The following THSD4 variants were observed in gnomAD, a reference collection of about 807,000 sequenced individuals.
The protein encoded by THSD4 is thrombospondin type-1 domain-containing protein 4.
A neutral mutation model predicts 119.0 loss-of-function variants in THSD4; 69 were observed. The ratio of observed to expected loss-of-function variants is 0.58; its 90% confidence interval spans 0.48 to 0.71. The LOEUF is 0.71. Among genes scored for constraint, THSD4 ranks in the 30% least tolerant of loss-of-function variants. The pLI, the probability that THSD4 is intolerant of heterozygous loss-of-function variation, is 0.00. For synonymous variants in THSD4, 524 were observed against 540.4 expected, an observed-to-expected ratio of 0.97 and a Z score of 0.42; for missense variants, 1,393 against 1,391.1, an observed-to-expected ratio of 1.00 and a Z score of -0.02.
chr15:71,615,321 A>T (rs577839270), intron 7 of THSD4, among the ~76,000 whole-genome samples: 1 of 152,324 alleles, frequency 6.6e-6, no homozygotes, highest in South Asian at 2.1e-4. Context: ...CAAAGGATGG[A>T]AGATTAAAAA....
intron 4 of THSD4, among the ~76,000 whole-genome samples, chr15:71,229,810 T>A (rs2140263133): frequency 6.6e-6 from 1 of 152,328 alleles, no homozygotes; most frequent in Middle Eastern, 3.4e-3. Flanking sequence ...TGCCTCTTCT[T>A]ATTATCATGA....
intron 1 of THSD4, among the ~76,000 whole-genome samples, chr15:71,103,147 CTTTT>C (rs34279644): frequency 7.1e-6 from 1 of 141,030 alleles, no homozygotes; most frequent in Non-Finnish European, 1.6e-5. Flanking sequence ...AAAAAGAAGG[CTTTT>C]TTTTTTTTTT....
intron 3 of THSD4, among the ~76,000 whole-genome samples, chr15:71,160,742 A>T (rs1019819560): frequency 6.6e-5 from 10 of 150,404 alleles, no homozygotes; most frequent in African/African-American, 2.4e-4. Flanking sequence ...CCTTTTCAAA[A>T]CACAAACTGT....
intron 6 of THSD4, among the ~76,000 whole-genome samples, chr15:71,331,254 G>A (rs1186221320): frequency 1.3e-5 from 2 of 152,216 alleles, no homozygotes; most frequent in Non-Finnish European, 2.9e-5. Flanking sequence ...TGGCATTGAA[G>A]AAGCAGCTCT....
intron 6 of THSD4, among the ~76,000 whole-genome samples, chr15:71,272,732 C>T (rs2222051): frequency 0.98 from 148,737 of 152,058 alleles, 72,826 homozygotes; most frequent in East Asian, 1. Flanking sequence ...GGTGTGGTAG[C>T]GCGCGCCTGT....
At chr15:71,699,042 A>G (rs1444586423) in intron 8 of THSD4, among the ~76,000 whole-genome samples, 1 of 152,160 alleles carries the variant, frequency 6.6e-6, no homozygotes, top group African/African-American at 2.4e-5. Context: ...CATACTTAAA[A>G]ATGTGTTAAA....
Position 71,410,167 on chromosome 15 carries a change from C to T in THSD4, c.1016-1520C>T, listed in dbSNP as rs141982960. Among the ~76,000 whole-genome samples, 245 of 152,080 alleles carry T rather than the reference C, an allele frequency of 1.6e-3. 1 individual carries two copies. Among genetic ancestry groups the T allele is most frequent in the African/African-American group, 5.6e-3 (233 of 41,486 alleles). Reference sequence around the variant, plus strand: ...GAGAAAGACAAGGGGGAGAAAAGGCCGATATTCATTTATCCATCCCTTGTT... The same window carrying T: ...GAGAAAGACAAGGGGGAGAAAAGGCTGATATTCATTTATCCATCCCTTGTT... On this transcript the variant is annotated intron_variant, in intron 6 of 17. Coordinates refer to ENST00000261862, the MANE Select transcript of THSD4 (RefSeq NM_024817.3).
At chr15:71,266,138 C>T (rs1488547796) in intron 6 of THSD4, among the ~76,000 whole-genome samples, 2 of 152,228 alleles carry the variant, frequency 1.3e-5, no homozygotes, top group Non-Finnish European at 2.9e-5. Flanking sequence ...TCAAGTGGGT[C>T]CCTGACCCCT....
chr15:71,660,596 GACAAC>G lies in THSD4; in HGVS notation c.1222_1226del (p.Asn408GlyfsTer10), dbSNP rs1346123930. The stretch of plus-strand genomic sequence containing the variant: ...GGACAAATGTGGGGTGTGTGGAGGA[GACAAC>G]ACGGGCTGTCAGGTTGTGTCGGGCG... On this transcript the variant is annotated frameshift_variant, in exon 8 of 18. Transcript: ENST00000261862. LOFTEE classifies it high-confidence loss of function. 1.2e-6 allele frequency: 2 copies of G among 1,614,170 alleles called. No homozygotes were observed. Among genetic ancestry groups the G allele is most frequent in the Non-Finnish European group, 1.7e-6 (2 of 1,180,020 alleles).
chr15:71,698,640 TATATATACATGAA>T (rs1158114053), intron 8 of THSD4, among the ~76,000 whole-genome samples: 196 of 144,058 alleles, frequency 1.4e-3, no homozygotes, highest in African/African-American at 5.0e-3. Flanking sequence ...TACATGCATG[TATATATACATGAA>T]ATATATACAT....
intron 6 of THSD4, among the ~76,000 whole-genome samples, chr15:71,409,138 C>A (rs7172592): frequency 7.2e-6 from 1 of 138,048 alleles, no homozygotes; most frequent in Admixed American, 7.8e-5. Context: ...AATTGTCTCA[C>A]GTTTAGCTTT....
At chr15:71,123,165 G>A (rs2040422002) in intron 1 of THSD4, among the ~76,000 whole-genome samples, 1 of 152,212 alleles carries the variant, frequency 6.6e-6, no homozygotes, top group African/African-American at 2.4e-5. Context: ...AGTGTCCACA[G>A]AGGTCTCTTG....
intron 4 of THSD4, 141 bp downstream of exon 4, chr15:71,215,540 G>T: frequency 1.2e-6 from 1 of 851,716 alleles, no homozygotes; most frequent in Non-Finnish European, 1.7e-6. Flanking sequence ...GGAGCTCTGG[G>T]CTCCACGAAG....
At chr15:71,708,301 A>G (rs1446130838) in intron 8 of THSD4, among the ~76,000 whole-genome samples, 5 of 152,200 alleles carry the variant, frequency 3.3e-5, no homozygotes, top group East Asian at 1.9e-4. Context: ...AGACAGTTTT[A>G]TGACTGTTTT....
At position 71,780,636 on chromosome 15, in the gene THSD4, C is replaced by A. The variant is rs1198513169; in HGVS notation, c.*3262C>A. The stretch of plus-strand genomic sequence containing the variant: ...CCCGCTGCCTGCAAGCTGTTGGGGA[C>A]CCCAGGGAGGGCAAGGCAGCCTGTC... On this transcript the variant is annotated 3_prime_UTR_variant, in exon 18 of 18. Coordinates refer to ENST00000261862, the MANE Select transcript of THSD4 (RefSeq NM_024817.3). The A allele has an allele frequency of 2.2e-6, 1 of 456,606 alleles. No homozygotes were observed. The highest frequency in any genetic ancestry group is 2.0e-5 in the African/African-American group (1 of 50,198). 28.3% of individuals were successfully genotyped at this position (456,606 alleles called of 1,614,324 possible).
chr15:71,244,291 A>G (rs2044180414), intron 5 of THSD4, among the ~76,000 whole-genome samples: 1 of 152,220 alleles, frequency 6.6e-6, no homozygotes, highest in South Asian at 2.1e-4. Context: ...CGTATTAAAG[A>G]GAAGTGAATG....
chr15:71,654,328 G>A (rs924868584), intron 7 of THSD4, among the ~76,000 whole-genome samples: 2 of 152,156 alleles, frequency 1.3e-5, no homozygotes, highest in Non-Finnish European at 2.9e-5. Context: ...TATATCGAAG[G>A]TCAGTTTTAC....
chr15:71,691,351 A>G (rs1006466816), intron 8 of THSD4, among the ~76,000 whole-genome samples: 7 of 152,238 alleles, frequency 4.6e-5, no homozygotes, highest in East Asian at 3.8e-4. Context: ...GCAAATAGGA[A>G]AAGAATACAC....
chr15:71,372,990 C>G (rs28580569), intron 6 of THSD4, among the ~76,000 whole-genome samples: 3 of 152,230 alleles, frequency 2.0e-5, no homozygotes, highest in African/African-American at 7.2e-5. Context: ...GCGCCCCTCC[C>G]GCAGGCTAGG....
Sources: gnomAD v4.1 joint callset for allele counts (sites outside exome capture counted in the v4.1 genomes callset) on GRCh38, gnomAD v4.1.1 for gene constraint, MANE v1.5 for transcripts, NCBI Gene and HGNC (gene_info 2026-07-23, HGNC 2026-07-21) for gene names.